TFDP2: variants seen among roughly 807,000 people sequenced by gnomAD.
TFDP2 encodes the protein transcription factor Dp-2 (E2F dimerization partner 2).
Under a neutral mutation model 59.3 loss-of-function variants are expected in TFDP2, and 17 were observed. The observed-to-expected ratio is 0.29, with a 90% CI of 0.20 to 0.43. The LOEUF (loss-of-function observed/expected upper bound fraction) is 0.43. Among genes scored for constraint, TFDP2 ranks in the 20% least tolerant of loss-of-function variants. The probability of loss-of-function intolerance (pLI) is 1.00; values close to 1 mark genes in which losing one functional copy is unlikely to be tolerated. For missense variants in TFDP2, 391 were observed against 528.8 expected, an observed-to-expected ratio of 0.74 and a Z score of 2.56; for synonymous variants, 180 against 194.7, an observed-to-expected ratio of 0.92 and a Z score of 0.63.
chr3:142,010,941 C>CA (rs1189959763), intron 3 of TFDP2, among the ~76,000 whole-genome samples: 3 of 115,084 alleles, frequency 2.6e-5, no homozygotes, highest in African/African-American at 9.8e-5. Flanking sequence ...CAGGAAACAA[C>CA]AGGTGCTGGA....
At chr3:142,125,515 T>C (rs1427336626) in intron 1 of TFDP2, among the ~76,000 whole-genome samples, 1 of 150,906 alleles carries the variant, frequency 6.6e-6, no homozygotes, top group Non-Finnish European at 1.5e-5. Context: ...CACACACACA[T>C]ATATCTATAT....
intron 3 of TFDP2, among the ~76,000 whole-genome samples, chr3:142,047,164 A>G (rs898912162): frequency 2.0e-5 from 3 of 152,250 alleles, no homozygotes; most frequent in African/African-American, 7.2e-5. Flanking sequence ...GTGAAGTTTA[A>G]ACTGAAGCAC....
At chr3:141,973,435 G>C (rs1379357638) in intron 8 of TFDP2, among the ~76,000 whole-genome samples, 6 of 152,112 alleles carry the variant, frequency 3.9e-5, no homozygotes, top group Non-Finnish European at 7.3e-5. Context: ...GTAAAATTAT[G>C]TCAAGTCAAT....
At chr3:142,034,788 T>C (rs1039760157) in intron 3 of TFDP2, among the ~76,000 whole-genome samples, 1 of 150,812 alleles carries the variant, frequency 6.6e-6, no homozygotes, top group Admixed American at 6.7e-5. Context: ...CAATCTCGGC[T>C]CACTGAAAGC....
At chr3:141,956,928 C>A (rs1936749349) in intron 11 of TFDP2, among the ~76,000 whole-genome samples, 1 of 106,000 alleles carries the variant, frequency 9.4e-6, no homozygotes, top group East Asian at 3.0e-4. Flanking sequence ...CCCTCCACCA[C>A]CACCCTGCCC....
chr3:141,995,526 A>G (rs11569198), intron 4 of TFDP2, among the ~76,000 whole-genome samples: 17,327 of 152,254 alleles, frequency 0.11, 1,216 homozygotes, highest in East Asian at 0.18. Context: ...ACAGTCCATC[A>G]TACAGTATAC....
At chr3:142,098,343 A>C (rs11711550) in intron 2 of TFDP2, among the ~76,000 whole-genome samples, 12,818 of 151,022 alleles carry the variant, frequency 0.085, 686 homozygotes, top group Middle Eastern at 0.14. Context: ...ACACAACTGC[A>C]TTTTTGGTCT....
intron 3 of TFDP2, among the ~76,000 whole-genome samples, chr3:142,057,329 G>A (rs2059780310): frequency 6.6e-6 from 1 of 152,210 alleles, no homozygotes; most frequent in Non-Finnish European, 1.5e-5. Flanking sequence ...ACTTGAGAGA[G>A]TTGTGTGAAA....
At position 141,969,847 on chromosome 3, in the gene TFDP2, C is replaced by G. The variant is rs192951477; in HGVS notation, c.732+226G>C. Among the ~76,000 whole-genome samples the G allele has an allele frequency of 1.6e-4, 25 of 152,276 alleles. No individual in the cohort carries two copies. In the East Asian group the frequency reaches 4.2e-3, roughly 26 times the overall value. ...CAGTGAACTGCTGCCTGGCGTAAGT[C>G]ACACACAGGGCAGGGAAGCTACTGT... On this transcript the variant is annotated intron_variant, in intron 9 of 12. Coordinates refer to ENST00000489671, the MANE Select transcript of TFDP2 (RefSeq NM_001178139.2).
intron 3 of TFDP2, among the ~76,000 whole-genome samples, chr3:142,053,168 C>T (rs1372702877): frequency 1.3e-5 from 2 of 152,212 alleles, no homozygotes; most frequent in East Asian, 3.9e-4. Flanking sequence ...AAAAACTGCA[C>T]ATTAAGTGAT....
rs142271284 is a variant in TFDP2, at chr3:142,023,948, G to A, written c.83-18404C>T. Among the ~76,000 whole-genome samples the A allele has an allele frequency of 9.2e-5, 14 of 152,176 alleles. No homozygotes were observed. In the East Asian group the frequency reaches 2.1e-3, roughly 23 times the overall value. ...CCCGAGTAGCTGGGACCACAGGTGC[G>A]TGCCACCATGCCCAGTTAATTTTTG... On this transcript the variant is annotated intron_variant, in intron 3 of 12. Coordinates refer to ENST00000489671, the MANE Select transcript of TFDP2 (RefSeq NM_001178139.2).
intron 3 of TFDP2, among the ~76,000 whole-genome samples, chr3:142,078,731 T>G (rs1267711113): frequency 1.3e-5 from 2 of 152,074 alleles, no homozygotes; most frequent in Non-Finnish European, 2.9e-5. Flanking sequence ...AACTCGTCAA[T>G]GTTCAGACAT....
chr3:142,029,510 C>G (rs1946320734), intron 3 of TFDP2, among the ~76,000 whole-genome samples: 1 of 151,962 alleles, frequency 6.6e-6, no homozygotes, highest in African/African-American at 2.4e-5. Context: ...AATCATCTTA[C>G]TTAGTTTTCC....
At chr3:142,090,926 G>A (rs2108613267) in intron 3 of TFDP2, 1 of 152,212 alleles carries the variant, frequency 6.6e-6, no homozygotes, top group East Asian at 1.9e-4. Flanking sequence ...TTTCAAGGTT[G>A]CTGCATCATT....
At chr3:142,084,501 T>G (rs1040340426) in intron 3 of TFDP2, among the ~76,000 whole-genome samples, 1 of 152,224 alleles carries the variant, frequency 6.6e-6, no homozygotes, top group South Asian at 2.1e-4. Flanking sequence ...GAAATCAGTA[T>G]ATTGAAGAGA....
intron 1 of TFDP2, among the ~76,000 whole-genome samples, chr3:142,114,318 G>A (rs532420337): frequency 1.8e-4 from 28 of 152,124 alleles, no homozygotes; most frequent in African/African-American, 6.5e-4. Flanking sequence ...AAAAAGACAT[G>A]TCCTAAGCAG....
chr3:142,108,547 A>C (rs979418447), intron 1 of TFDP2, among the ~76,000 whole-genome samples: 1 of 152,110 alleles, frequency 6.6e-6, no homozygotes, highest in Admixed American at 6.5e-5. Flanking sequence ...TTAATCTCAG[A>C]GATTTGTCTC....
chr3:142,048,284 A>G (rs1488132814), intron 3 of TFDP2, among the ~76,000 whole-genome samples: 3 of 151,974 alleles, frequency 2.0e-5, no homozygotes, highest in Non-Finnish European at 4.4e-5. Context: ...GCATGGTGGC[A>G]TGTACCTATC....
At chr3:142,006,934 G>T (rs1486450126) in intron 3 of TFDP2, among the ~76,000 whole-genome samples, 2 of 151,990 alleles carry the variant, frequency 1.3e-5, no homozygotes, top group Non-Finnish European at 2.9e-5. Flanking sequence ...CTGCCATCAT[G>T]CCTGGCTAAT....
Sources: gnomAD v4.1 joint callset for allele counts (sites outside exome capture counted in the v4.1 genomes callset) on GRCh38, gnomAD v4.1.1 for gene constraint, MANE v1.5 for transcripts, NCBI Gene and HGNC (gene_info 2026-07-23, HGNC 2026-07-21) for gene names.